MTOR: variants seen among roughly 807,000 people sequenced by gnomAD.
The protein encoded by MTOR is mechanistic target of rapamycin kinase.
In MTOR, 70 loss-of-function variants were observed where a neutral mutation model predicts 319.8. The ratio of observed to expected loss-of-function variants is 0.22; its 90% CI spans 0.18 to 0.27. MTOR has a LOEUF of 0.27. MTOR is among the 10% of genes least tolerant of loss of function. The probability of loss-of-function intolerance (pLI) is 1.00; values close to 1 mark genes in which losing one functional copy is unlikely to be tolerated. For missense variants in MTOR, 1,890 were observed against 3,274.4 expected, an observed-to-expected ratio of 0.58 and a Z score of 10.32; for synonymous variants, 1,183 against 1,211.4, an observed-to-expected ratio of 0.98 and a Z score of 0.49.
chr1:11,210,412 G>A (rs941640012), intron 24 of MTOR, among the ~76,000 whole-genome samples: 9 of 152,182 alleles, frequency 5.9e-5, no homozygotes, highest in African/African-American at 1.9e-4. Context: ...GGCCTCCCAA[G>A]GCGGGAGCCA....
intron 38 of MTOR, chr1:11,132,056 A>T (rs1193719664): frequency 6.6e-6 from 1 of 152,230 alleles, no homozygotes; most frequent in Non-Finnish European, 1.5e-5. Context: ...CCTGGCATGC[A>T]TACAGGGCCA....
At chr1:11,228,608 T>C in intron 19 of MTOR, 60 bp downstream of exon 19, 5 of 1,578,496 alleles carry the variant, frequency 3.2e-6, no homozygotes, top group Non-Finnish European at 4.3e-6. Flanking sequence ...GAAGCACAGA[T>C]GGATCTGTGC....
chr1:11,181,188 A>C (rs1214198069), intron 28 of MTOR, among the ~76,000 whole-genome samples: 2 of 152,086 alleles, frequency 1.3e-5, no homozygotes, highest in African/African-American at 4.8e-5. Flanking sequence ...TGTCATTTAC[A>C]CTGGCTTCTG....
chr1:11,134,243 G>T, intron 37 of MTOR, 108 bp downstream of exon 37: 1 of 876,438 alleles, frequency 1.1e-6, no homozygotes, highest in Non-Finnish European at 1.8e-6. Context: ...AGGAAAGAGA[G>T]ATGTCAGCAA....
At chr1:11,215,417 T>C (rs2100804003) in intron 20 of MTOR, among the ~76,000 whole-genome samples, 1 of 152,328 alleles carries the variant, frequency 6.6e-6, no homozygotes, top group African/African-American at 2.4e-5. Flanking sequence ...ACCAGCCATT[T>C]TGATTTTAGT....
At chr1:11,252,052 G>A (rs1294704403) in intron 6 of MTOR, among the ~76,000 whole-genome samples, 2 of 152,086 alleles carry the variant, frequency 1.3e-5, no homozygotes, top group African/African-American at 2.4e-5. Context: ...AGTATCCATG[G>A]GGGTTGGTTC....
rs2100409666 is a variant in MTOR at position 11,127,819 on chromosome 1, G to C, written c.6034-13C>G. 1 of 1,607,952 alleles carries C rather than the reference G, an allele frequency of 6.2e-7. No homozygotes were observed. ...GCTCCTCGCTCACCTGAAGCCAAGAGAAGAAGGAGAGAAGCATCAAGAATC... is the reference window on the plus strand; with the variant it reads ...GCTCCTCGCTCACCTGAAGCCAAGACAAGAAGGAGAGAAGCATCAAGAATC... On this transcript the variant is annotated splice_polypyrimidine_tract_variant and intron_variant, in intron 43 of 57. Transcript: ENST00000361445. This position sits in a 1 kb window ranked among gnomAD's most constrained non-coding sequence, Gnocchi z 5.5.
In MTOR at chr1:11,167,423, A is replaced by C; in HGVS notation, c.4329+19T>G. On this transcript the variant is annotated intron_variant, in intron 29 of 57. Coordinates refer to ENST00000361445, the MANE Select transcript of MTOR (RefSeq NM_004958.4). The stretch of plus-strand genomic sequence containing the variant: ...CAAGTCTCTACCTCCTGCTTTTCCA[A>C]AAAGAATGAGGTGCTTACCAGCTCT... 1 of 1,610,166 alleles carries C rather than the reference A, an allele frequency of 6.2e-7. No individual in the cohort carries two copies. The highest frequency in any genetic ancestry group is 8.5e-7 in the Non-Finnish European group (1 of 1,176,764).
chr1:11,232,316 C>A, intron 16 of MTOR, 120 bp downstream of exon 16: 1 of 615,282 alleles, frequency 1.6e-6, no homozygotes, highest in South Asian at 2.9e-5. Flanking sequence ...TTTTTGAGCA[C>A]CTACTATGTG....
intron 8 of MTOR, among the ~76,000 whole-genome samples, chr1:11,245,901 C>A (rs1057397446): frequency 3.9e-5 from 6 of 151,988 alleles, no homozygotes; most frequent in Non-Finnish European, 5.9e-5. Flanking sequence ...CACAGCAAGA[C>A]CCTGTCTCAA....
At chr1:11,153,088 G>C (rs2100549006) in intron 30 of MTOR, among the ~76,000 whole-genome samples, 1 of 152,276 alleles carries the variant, frequency 6.6e-6, no homozygotes, top group East Asian at 1.9e-4. Flanking sequence ...AAAGGAATTG[G>C]AGGAAACCAC....
intron 30 of MTOR, among the ~76,000 whole-genome samples, chr1:11,155,179 T>G (rs549371661): frequency 6.6e-6 from 1 of 152,156 alleles, no homozygotes; most frequent in Non-Finnish European, 1.5e-5. Flanking sequence ...CTATATTAAA[T>G]AGACTAGATT....
At chr1:11,124,679 G>C (rs2100383633) in intron 46 of MTOR, 46 bp from the exon 47 acceptor site, 1 of 1,576,114 alleles carries the variant, frequency 6.3e-7, no homozygotes, top group Non-Finnish European at 8.7e-7. Flanking sequence ...GAGGTCCTCA[G>C]CTCTTCAGCT....
At chr1:11,246,926 G>A (rs1414567385) in intron 8 of MTOR, among the ~76,000 whole-genome samples, 1 of 152,234 alleles carries the variant, frequency 6.6e-6, no homozygotes, top group Non-Finnish European at 1.5e-5. Context: ...TTAGGGCTCT[G>A]TGCCAGGCAC....
chr1:11,231,349 A>G lies in MTOR; in HGVS notation c.2600T>C (p.Val867Ala). 1.2e-6 allele frequency: 2 copies of G among 1,613,998 alleles called. No individual in the cohort carries two copies. Among genetic ancestry groups the G allele is most frequent in the African/African-American group, 1.3e-5 (1 of 74,890 alleles). Residue 867 changes from valine (V) to alanine (A), a missense_variant, in exon 17 of 58, where the codon GTG becomes GCG. Transcript: ENST00000361445. ...CTCAGTCTTCAGAAAATTCAGTAGCACCTCAAGCAAAGTAGGGTACTTCCT... is the reference window on the plus strand; with the variant it reads ...CTCAGTCTTCAGAAAATTCAGTAGCGCCTCAAGCAAAGTAGGGTACTTCCT... Reference protein sequence around the residue: ...PYRKYPTLLEVLLNFLKTEQN... With the variant: ...PYRKYPTLLEALLNFLKTEQN...
At chr1:11,140,666 T>C (rs1643654575) in intron 34 of MTOR, among the ~76,000 whole-genome samples, 1 of 152,134 alleles carries the variant, frequency 6.6e-6, no homozygotes, top group African/African-American at 2.4e-5. Context: ...CTCTGACAGA[T>C]CTGTAGGGTG....
intron 21 of MTOR, 98 bp from the exon 22 acceptor site, chr1:11,213,006 G>A: frequency 1.1e-6 from 1 of 883,204 alleles, no homozygotes. Context: ...AGTTCTCTGG[G>A]GACTGGGAAA....
chr1:11,256,252 T>C (rs553810200), intron 4 of MTOR, 60 bp from the exon 5 acceptor site: 26 of 1,558,224 alleles, frequency 1.7e-5, no homozygotes, highest in Non-Finnish European at 2.2e-5. Flanking sequence ...CTCTCAGGAG[T>C]ACAGTCTCTT....
At chr1:11,214,188 A>G (rs1052329918) in intron 20 of MTOR, among the ~76,000 whole-genome samples, 2 of 152,192 alleles carry the variant, frequency 1.3e-5, no homozygotes, top group African/African-American at 2.4e-5. Context: ...AGTATTACAA[A>G]TATTTCCTGG....
Sources: gnomAD v4.1 joint callset for allele counts (sites outside exome capture counted in the v4.1 genomes callset) on GRCh38, gnomAD v4.1.1 for gene constraint, Gnocchi (gnomAD v3.1) non-coding constraint, MANE v1.5 for transcripts, NCBI Gene and HGNC (gene_info 2026-07-23, HGNC 2026-07-21) for gene names.